MAN1A1: variants seen among roughly 807,000 people sequenced by gnomAD.
MAN1A1 encodes the protein mannosidase alpha class 1A member 1.
In MAN1A1, 29 loss-of-function variants were observed where a neutral mutation model predicts 70.8. That is an observed-to-expected ratio of 0.41 (90% CI 0.31 to 0.56). The LOEUF is 0.56. Ranked by LOEUF, MAN1A1 falls within the 20% of genes least tolerant of loss-of-function variation. The pLI, the probability that MAN1A1 is intolerant of heterozygous loss-of-function variation, is 0.29. For synonymous variants in MAN1A1, 349 were observed against 330.1 expected (o/e 1.06, Z -0.62); for missense variants, 747 against 841.3 (o/e 0.89, Z 1.39).
At chr6:119,298,927 T>C (rs1331312436) in intron 4 of MAN1A1, among the ~76,000 whole-genome samples, 1 of 152,120 alleles carries the variant, frequency 6.6e-6, no homozygotes, top group Non-Finnish European at 1.5e-5. Flanking sequence ...ACACTGTCAA[T>C]TAGAATACCT....
intron 5 of MAN1A1, among the ~76,000 whole-genome samples, chr6:119,272,686 T>C (rs938445236): frequency 6.6e-6 from 1 of 152,182 alleles, no homozygotes; most frequent in Non-Finnish European, 1.5e-5. Flanking sequence ...TCAATTTTTT[T>C]TAAAGAATAC....
chr6:119,261,127 T>C (rs1473775174), intron 5 of MAN1A1, among the ~76,000 whole-genome samples: 6 of 151,802 alleles, frequency 4.0e-5, no homozygotes, highest in Non-Finnish European at 7.4e-5. Flanking sequence ...TACAGGCGCC[T>C]GCCACCATGC....
intron 5 of MAN1A1, among the ~76,000 whole-genome samples, chr6:119,268,496 T>C (rs1028970579): frequency 4.6e-5 from 7 of 152,092 alleles, no homozygotes; most frequent in Non-Finnish European, 7.4e-5. Context: ...TTAAAACAGA[T>C]GGCCCACTCA....
intron 8 of MAN1A1, among the ~76,000 whole-genome samples, chr6:119,200,005 T>A (rs1371927849): frequency 6.6e-6 from 1 of 152,124 alleles, no homozygotes; most frequent in Non-Finnish European, 1.5e-5. Context: ...TCAGTGAGGC[T>A]TCAGCAGTAT....
intron 6 of MAN1A1, among the ~76,000 whole-genome samples, chr6:119,245,073 G>T (rs1319925189): frequency 6.6e-6 from 1 of 152,076 alleles, no homozygotes; most frequent in African/African-American, 2.4e-5. Flanking sequence ...TTGACAAAGA[G>T]ACACATTCAA....
At chr6:119,191,409 A>AT (rs1357860248) in intron 9 of MAN1A1, among the ~76,000 whole-genome samples, 1 of 147,102 alleles carries the variant, frequency 6.8e-6, no homozygotes, top group Non-Finnish European at 1.5e-5. Context: ...CTACCTCCTA[A>AT]TAAAAACTAC....
At chr6:119,180,012 A>G in intron 12 of MAN1A1, 67 bp from the exon 13 acceptor site, 1 of 1,498,682 alleles carries the variant, frequency 6.7e-7, no homozygotes, top group Non-Finnish European at 9.2e-7. Context: ...ACAAACACAC[A>G]GCAAAAACCA....
Position 119,189,587 on chromosome 6 carries a change from G to A in MAN1A1, c.1546+77C>T, listed in dbSNP as rs1025158679. On this transcript the variant is annotated intron_variant, in intron 10 of 12. Coordinates refer to ENST00000368468, the MANE Select transcript of MAN1A1 (RefSeq NM_005907.4). ...TCATAGGCAGAGCGGATAGTCTTTT[G>A]AGGGCAGCAATGACAAAACTGCATT... 2.3e-6 allele frequency: 3 copies of A among 1,321,136 alleles called. No homozygotes were observed. In the African/African-American group the frequency reaches 4.3e-5, roughly 19 times the overall value. 81.8% of individuals were successfully genotyped at this position (1,321,136 alleles called of 1,614,324 possible). A position where few individuals can be genotyped will look rare whatever the true frequency, so the allele number is the denominator to read the frequency against.
At chr6:119,347,855 A>G in intron 2 of MAN1A1, among the ~76,000 whole-genome samples, 1 of 152,212 alleles carries the variant, frequency 6.6e-6, no homozygotes, top group Non-Finnish European at 1.5e-5. Flanking sequence ...CACATGGAAT[A>G]CCCTATTTCT....
At chr6:119,189,304 A>C (rs959560708) in intron 10 of MAN1A1, among the ~76,000 whole-genome samples, 5 of 152,162 alleles carry the variant, frequency 3.3e-5, no homozygotes, top group African/African-American at 1.2e-4. Flanking sequence ...AGTGGGATTC[A>C]TGATCTGTTT....
At chr6:119,299,830 CTT>C in intron 4 of MAN1A1, among the ~76,000 whole-genome samples, 1 of 152,170 alleles carries the variant, frequency 6.6e-6, no homozygotes. Flanking sequence ...ACAGTAACAT[CTT>C]GTCTGTTACC....
At chr6:119,255,300 C>T (rs559186785) in intron 5 of MAN1A1, among the ~76,000 whole-genome samples, 1 of 152,310 alleles carries the variant, frequency 6.6e-6, no homozygotes, top group Admixed American at 6.5e-5. Flanking sequence ...AAAGATCAAA[C>T]ACTAGTTCAC....
rs73767461 is a variant in MAN1A1 at position 119,344,443 on chromosome 6, A to G, written c.603+4020T>C. Among the ~76,000 whole-genome samples the G allele has an allele frequency of 7.2e-4, 109 of 152,360 alleles. 1 individual carries two copies. The highest frequency in any genetic ancestry group is 2.6e-3 in the African/African-American group (107 of 41,584). ...TTGTTAAGGAGAGAAAAACCTTCAC[A>G]AACACTCCATGTCCTCCCTGCTCTG... On this transcript the variant is annotated intron_variant, in intron 2 of 12. Transcript: ENST00000368468.
intron 2 of MAN1A1, among the ~76,000 whole-genome samples, chr6:119,332,294 C>A (rs1007940870): frequency 6.6e-6 from 1 of 152,032 alleles, no homozygotes. Flanking sequence ...GGTATAAAAT[C>A]AATTAAGGAG....
rs367785640 is a variant in MAN1A1, at chr6:119,201,185, T to C, written c.1210+69A>G. 49 of 1,156,898 alleles carry C rather than the reference T, an allele frequency of 4.2e-5. No individual in the cohort carries two copies. The Middle Eastern group carries it at 6.0e-4, about 14-fold the overall frequency. 71.7% of individuals were successfully genotyped at this position (1,156,898 alleles called of 1,614,324 possible). On this transcript the variant is annotated intron_variant, in intron 8 of 12. Transcript: ENST00000368468. ...TTTCTCAACAAAATCTGTGCTGCTT[T>C]TGTGCTTCCTCTCTCTCCACGAGTA...
intron 5 of MAN1A1, among the ~76,000 whole-genome samples, chr6:119,284,022 G>T (rs1047065797): frequency 6.6e-6 from 1 of 152,138 alleles, no homozygotes; most frequent in Admixed American, 6.5e-5. Flanking sequence ...CGACCAACCA[G>T]AACATCAACT....
chr6:119,199,574 T>C (rs1773660437), intron 8 of MAN1A1, among the ~76,000 whole-genome samples: 1 of 152,026 alleles, frequency 6.6e-6, no homozygotes, highest in Non-Finnish European at 1.5e-5. Flanking sequence ...GTAAGCACAT[T>C]CATAAGTGAA....
chr6:119,349,967 G>A (rs975141491), upstream of MAN1A1, among the ~76,000 whole-genome samples: 3 of 152,098 alleles, frequency 2.0e-5, no homozygotes, highest in Non-Finnish European at 2.9e-5. Context: ...GGGGCCGGGA[G>A]GCGCGAGGTA....
intron 2 of MAN1A1, among the ~76,000 whole-genome samples, chr6:119,315,751 C>T (rs927278337): frequency 1.3e-5 from 2 of 152,138 alleles, no homozygotes; most frequent in Admixed American, 6.5e-5. Flanking sequence ...TGGAAGGAAG[C>T]ACTATTGCTG....
Sources: allele counts gnomAD v4.1 joint callset (sites outside exome capture counted in the v4.1 genomes callset), GRCh38; gene constraint gnomAD v4.1.1; transcripts MANE v1.5; gene names NCBI Gene and HGNC (gene_info 2026-07-23, HGNC 2026-07-21).